Variants in USP45 observed in about 807,000 individuals in gnomAD.
USP45 encodes the protein ubiquitin carboxyl-terminal hydrolase 45.
USP45 carries 89 observed loss-of-function variants against 95.8 expected under a neutral mutation model. The observed-to-expected ratio is 0.93, with a 90% CI of 0.78 to 1.11. USP45 has a LOEUF of 1.11. USP45 is among the 50% of genes least tolerant of loss of function. USP45 has a pLI of 0.00. For missense variants in USP45, 898 were observed against 942.5 expected (o/e 0.95, Z 0.62); for synonymous variants, 281 against 316.2 (o/e 0.89, Z 1.18).
chr6:99,488,796 A>G lies in USP45; in HGVS notation c.503T>C (p.Leu168Pro). The change falls in exon 6 of 18, where the codon CTT becomes CCT. Residue 168 changes from leucine (L) to proline (P), a missense_variant. Physicochemically the swap from Leu to Pro is moderately conservative, Grantham distance 98. Coordinates refer to ENST00000500704, the MANE Select transcript of USP45 (RefSeq NM_001346022.3). ...QTSAFSRIMK[L>P]CEEKCETDEI... Reference sequence around the variant, plus strand: ...ATCTGTTTCACATTTTTCTTCACAAAGTTTCATGATTCTAGAAAATGCACC... The same window carrying G: ...ATCTGTTTCACATTTTTCTTCACAAGGTTTCATGATTCTAGAAAATGCACC... 1 of 1,595,236 alleles carries G rather than the reference A, an allele frequency of 6.3e-7. No individual in the cohort carries two copies. Among genetic ancestry groups the G allele is most frequent in the East Asian group, 2.3e-5 (1 of 43,824 alleles).
rs1345518378 is a variant in USP45 at position 99,433,511 on chromosome 6, TTC to T, written c.*2203_*2204del. ...AGACCCATGTGTAATTTAACATGCT[TTC>T]TCTGTTACAAAAGCTATCTTTAGGA... On this transcript the variant is annotated 3_prime_UTR_variant, in exon 18 of 18. Coordinates refer to ENST00000500704, the MANE Select transcript of USP45 (RefSeq NM_001346022.3). 6.6e-6 allele frequency: 1 copy of T among 152,590 alleles called. No individual in the cohort carries two copies. The highest frequency in any genetic ancestry group is 1.5e-5 in the Non-Finnish European group (1 of 68,036). The allele number at this position is 152,590 out of a possible 1,614,324, so 9.5% of individuals were successfully genotyped here. A position where few individuals can be genotyped will look rare whatever the true frequency, so the allele number is the denominator to read the frequency against.
chr6:99,502,144 G>C (rs1334778492), intron 5 of USP45: 2 of 1,004,658 alleles, frequency 2.0e-6, no homozygotes, highest in East Asian at 7.1e-5. Flanking sequence ...AAACTCCAGT[G>C]AGCTTCCTTG....
chr6:99,453,064 T>G (rs1201598650), intron 13 of USP45, among the ~76,000 whole-genome samples: 1 of 151,288 alleles, frequency 6.6e-6, no homozygotes, highest in East Asian at 1.9e-4. Context: ...CATTAGGAGA[T>G]ATACCTAATG....
intron 1 of USP45, among the ~76,000 whole-genome samples, chr6:99,514,285 T>C (rs1800618779): frequency 1.3e-5 from 2 of 152,132 alleles, no homozygotes; most frequent in African/African-American, 4.8e-5. Context: ...ACATCCTTCC[T>C]CCATCAGTGA....
At chr6:99,512,025 T>C (rs994397042) in intron 1 of USP45, among the ~76,000 whole-genome samples, 3 of 152,018 alleles carry the variant, frequency 2.0e-5, no homozygotes, top group Admixed American at 1.3e-4. Context: ...AATTTTCTAA[T>C]ATCATCTCAT....
chr6:99,443,485 T>TA, intron 15 of USP45, 80 bp downstream of exon 15: 1 of 917,580 alleles, frequency 1.1e-6, no homozygotes, highest in South Asian at 2.2e-5. Context: ...GGTTATTGTC[T>TA]AATTCTTGAC....
intron 5 of USP45, among the ~76,000 whole-genome samples, chr6:99,502,827 C>T (rs774582891): frequency 1.6e-4 from 25 of 152,298 alleles, no homozygotes; most frequent in Middle Eastern, 3.4e-3. Flanking sequence ...ACTACCTCCT[C>T]GTCTATCTTT....
At chr6:99,446,630 A>G (rs1454692742) in intron 13 of USP45, among the ~76,000 whole-genome samples, 167 bp from the exon 14 acceptor site, 1 of 152,256 alleles carries the variant, frequency 6.6e-6, no homozygotes, top group African/African-American at 2.4e-5. Flanking sequence ...AAATAGTTCT[A>G]TTTTAAAAGT....
At chr6:99,445,190 G>A (rs1014202820) in intron 14 of USP45, among the ~76,000 whole-genome samples, 3 of 152,208 alleles carry the variant, frequency 2.0e-5, no homozygotes, top group Non-Finnish European at 4.4e-5. Flanking sequence ...GATACAATTA[G>A]AAGTTTTAGG....
intron 8 of USP45, among the ~76,000 whole-genome samples, chr6:99,481,131 T>C (rs1792295374): frequency 6.6e-6 from 1 of 152,092 alleles, no homozygotes; most frequent in Non-Finnish European, 1.5e-5. Context: ...CTTCAAATAA[T>C]GTTTGATCTA....
intron 8 of USP45, among the ~76,000 whole-genome samples, chr6:99,477,682 G>A (rs1336171784): frequency 6.6e-6 from 1 of 152,184 alleles, no homozygotes; most frequent in Non-Finnish European, 1.5e-5. Context: ...TACAAAGAAA[G>A]TGAGTCCCTG....
chr6:99,487,323 C>T lies in USP45; in HGVS notation c.714+877G>A, dbSNP rs558739139. On this transcript the variant is annotated intron_variant, in intron 7 of 17. Coordinates refer to ENST00000500704, the MANE Select transcript of USP45 (RefSeq NM_001346022.3). ...AAATCATGAAGTGGACTTGCTTTGT[C>T]TTATTTCATCGTAGTCTCAGAGAAA... Among the ~76,000 whole-genome samples the T allele has an allele frequency of 4.2e-3, 634 of 152,174 alleles. 3 individuals carry two copies. Among genetic ancestry groups the T allele is most frequent in the Non-Finnish European group, 6.8e-3 (460 of 68,000 alleles).
chr6:99,437,317 G>A lies in USP45; in HGVS notation c.2243C>T (p.Thr748Ile). Residue 748 changes from threonine to isoleucine, a missense_variant, in exon 17 of 18, where the codon ACT becomes ATT. Physicochemically the swap from Thr to Ile is moderately conservative, Grantham distance 89. Transcript: ENST00000500704. The part of the protein sequence containing the change: ...HSGSMREGHY[T>I]AYVKVRTPSR... ...GGGTGTTCTCACTTTCACATAAGCA[G>A]TGTAGTGGCCTTCTCTCATCGAGCC... is the stretch of plus-strand genomic sequence containing the variant. 1 of 1,613,908 alleles carries A rather than the reference G, an allele frequency of 6.2e-7. No individual in the cohort carries two copies. Among genetic ancestry groups the A allele is most frequent in the Non-Finnish European group, 8.5e-7 (1 of 1,179,928 alleles).
intron 5 of USP45, among the ~76,000 whole-genome samples, chr6:99,489,216 T>G (rs575248902): frequency 4.6e-5 from 7 of 152,256 alleles, no homozygotes; most frequent in African/African-American, 1.4e-4. Context: ...CCCATAACAT[T>G]TTGCCATGCC....
chr6:99,479,979 A>G (rs1271239094), intron 8 of USP45, among the ~76,000 whole-genome samples: 1 of 152,234 alleles, frequency 6.6e-6, no homozygotes, highest in Non-Finnish European at 1.5e-5. Flanking sequence ...TCATTTGCCA[A>G]TGACATTGTC....
intron 3 of USP45, 87 bp downstream of exon 3, chr6:99,508,523 C>T (rs1242295371): frequency 2.4e-6 from 3 of 1,273,746 alleles, no homozygotes; most frequent in Non-Finnish European, 3.2e-6. Flanking sequence ...TATCTTAACT[C>T]CTATGCATGA....
Position 99,507,500 on chromosome 6 carries a change from G to C in USP45, c.305C>G (p.Ser102Ter), listed in dbSNP as rs1197529154. 3 of 1,612,900 alleles carry C rather than the reference G, an allele frequency of 1.9e-6. No individual in the cohort carries two copies. The African/African-American group carries it at 4.0e-5, about 22-fold the overall frequency. Residue 102 changes from serine (S) to a stop codon, truncating the protein, a stop_gained, in exon 4 of 18, where the codon TCA becomes TGA. Transcript: ENST00000500704. LOFTEE classifies it high-confidence loss of function. ...TCTGGAACTCTTAAAGTGCTTCAAT[G>C]AATGTTGGCTTTCTGAGTTTTTACC... Reference protein sequence around the residue: ...GCGKNSESQHSLKHFKSSRTE... With the variant: ...GCGKNSESQH
intron 10 of USP45, chr6:99,468,179 T>A (rs1326595903): frequency 2.2e-6 from 1 of 458,328 alleles, no homozygotes; most frequent in African/African-American, 2.0e-5. Context: ...ATCTAAAAAA[T>A]ATCCATAAAT....
intron 5 of USP45, among the ~76,000 whole-genome samples, chr6:99,500,934 C>CA (rs1447543680): frequency 6.6e-6 from 1 of 152,146 alleles, no homozygotes; most frequent in African/African-American, 2.4e-5. Flanking sequence ...TGATGGCTAA[C>CA]AAAAACAGCT....
Sources: allele counts gnomAD v4.1 joint callset (sites outside exome capture counted in the v4.1 genomes callset), GRCh38; gene constraint gnomAD v4.1.1; transcripts MANE v1.5; gene names NCBI Gene and HGNC (gene_info 2026-07-23, HGNC 2026-07-21).